Variants in PLCG2 observed in about 807,000 individuals in gnomAD.
The protein encoded by PLCG2 is 1-phosphatidylinositol 4,5-bisphosphate phosphodiesterase gamma-2.
In PLCG2, 69 loss-of-function variants were observed where a neutral mutation model predicts 175.6. The observed-to-expected ratio is 0.39, with a 90% CI of 0.32 to 0.48. PLCG2 has a LOEUF of 0.48. PLCG2 is among the 20% of genes least tolerant of loss of function. The pLI is 0.91. For synonymous variants in PLCG2, 827 were observed against 624.0 expected (o/e 1.33, Z -4.85); for missense variants, 1,798 against 1,650.9 (o/e 1.09, Z -1.54).
At chr16:81,883,777 A>C (rs1000612714) in intron 9 of PLCG2, among the ~76,000 whole-genome samples, 38 of 152,162 alleles carry the variant, frequency 2.5e-4, no homozygotes, top group African/African-American at 8.9e-4. Flanking sequence ...TGGGAGATAA[A>C]CTAGCACAGC....
intron 31 of PLCG2, among the ~76,000 whole-genome samples, chr16:81,949,497 A>G (rs1911282732): frequency 6.6e-6 from 1 of 152,214 alleles, no homozygotes; most frequent in Non-Finnish European, 1.5e-5. Context: ...GGAAGACGGA[A>G]TAATTCAGTG....
chr16:81,943,931 G>A (rs1911053428), intron 30 of PLCG2, among the ~76,000 whole-genome samples: 1 of 152,156 alleles, frequency 6.6e-6, no homozygotes, highest in Non-Finnish European at 1.5e-5. Context: ...AAGGATGGAT[G>A]CTCTCAAACA....
At chr16:81,839,447 C>T (rs1224140219) in intron 2 of PLCG2, among the ~76,000 whole-genome samples, 1 of 152,000 alleles carries the variant, frequency 6.6e-6, no homozygotes, top group Non-Finnish European at 1.5e-5. Flanking sequence ...CAGAATTAGC[C>T]TATTAAAATA....
At chr16:81,845,179 G>C (rs1266858948) in intron 2 of PLCG2, among the ~76,000 whole-genome samples, 1 of 152,096 alleles carries the variant, frequency 6.6e-6, no homozygotes, top group East Asian at 1.9e-4. Flanking sequence ...GGTTTCAAAT[G>C]ATCCTCCTAC....
intron 2 of PLCG2, among the ~76,000 whole-genome samples, chr16:81,788,129 T>C (rs1199973861): frequency 6.6e-6 from 1 of 152,226 alleles, no homozygotes; most frequent in South Asian, 2.1e-4. Context: ...TTCATCATTT[T>C]AGGAACTGTC....
At chr16:81,867,436 A>G (rs2143520659) in intron 5 of PLCG2, among the ~76,000 whole-genome samples, 1 of 152,302 alleles carries the variant, frequency 6.6e-6, no homozygotes, top group Middle Eastern at 3.4e-3. Context: ...TTATGGGCAC[A>G]CTGGGTTGGA....
rs1555509092 is a variant in PLCG2, at chr16:81,816,651, A to ACTTTTTTTTT, written c.193+30469_193+30470insCTTTTTTTTT. 9.2e-4 allele frequency among the ~76,000 whole-genome samples: 100 copies of ACTTTTTTTTT among 108,876 alleles called. 39 individuals carry two copies. The highest frequency in any genetic ancestry group is 3.0e-3 in the African/African-American group (80 of 26,500). 71.4% of individuals were successfully genotyped at this position (108,876 alleles called of 152,430 possible). ...GCACCACCATGCCCAGCTAATTTTA[A>ACTTTTTTTTT]TTTTTTTTTTTTTTTTTTTTTTTTT... On this transcript the variant is annotated intron_variant, in intron 2 of 32. Transcript: ENST00000564138.
intron 2 of PLCG2, among the ~76,000 whole-genome samples, chr16:81,810,903 A>T (rs1444323484): frequency 6.6e-6 from 1 of 152,196 alleles, no homozygotes; most frequent in Non-Finnish European, 1.5e-5. Context: ...ACGAAAATGA[A>T]GGTAACTTTT....
intron 15 of PLCG2, among the ~76,000 whole-genome samples, chr16:81,907,117 T>C (rs1290675039): frequency 1.3e-5 from 2 of 150,338 alleles, no homozygotes; most frequent in Non-Finnish European, 3.0e-5. Context: ...AGTGTACACA[T>C]GTACCCTAGA....
intron 9 of PLCG2, among the ~76,000 whole-genome samples, chr16:81,884,125 C>A (rs369357700): frequency 6.6e-6 from 1 of 152,112 alleles, no homozygotes; most frequent in Non-Finnish European, 1.5e-5. Flanking sequence ...CCGAGGCGGG[C>A]GGATCACTTG....
intron 30 of PLCG2, among the ~76,000 whole-genome samples, chr16:81,945,405 C>G (rs1223593175): frequency 2.0e-5 from 3 of 152,232 alleles, no homozygotes; most frequent in Non-Finnish European, 4.4e-5. Context: ...AAAAGCAACT[C>G]AAACATATGC....
intron 25 of PLCG2, among the ~76,000 whole-genome samples, chr16:81,933,116 G>A (rs926810384): frequency 6.6e-6 from 1 of 152,230 alleles, no homozygotes; most frequent in Non-Finnish European, 1.5e-5. Context: ...CTGAAATGAA[G>A]CTGAGCTGTT....
chr16:81,783,970 G>A (rs1016798874), intron 1 of PLCG2, among the ~76,000 whole-genome samples: 1 of 152,122 alleles, frequency 6.6e-6, no homozygotes, highest in Non-Finnish European at 1.5e-5. Flanking sequence ...AGCCCTTTAA[G>A]TGCCTAGCCA....
chr16:81,800,527 C>A (rs1054270123), intron 2 of PLCG2, among the ~76,000 whole-genome samples: 3 of 152,108 alleles, frequency 2.0e-5, no homozygotes, highest in Admixed American at 6.6e-5. Flanking sequence ...CATCTATGTC[C>A]CTGCGAAGGA....
intron 1 of PLCG2, among the ~76,000 whole-genome samples, chr16:81,743,306 G>C (rs72831178): frequency 6.6e-6 from 1 of 152,218 alleles, no homozygotes; most frequent in African/African-American, 2.4e-5. Context: ...AGCCACAGTA[G>C]CACCACGGCC....
chr16:81,910,746 G>A (rs1250950148), intron 18 of PLCG2, 26 bp downstream of exon 18: 1 of 1,597,018 alleles, frequency 6.3e-7, no homozygotes, highest in South Asian at 1.1e-5. Flanking sequence ...TGGAGCAGGA[G>A]GCAGGCGGTG....
intron 2 of PLCG2, among the ~76,000 whole-genome samples, chr16:81,806,712 G>A (rs1385166938): frequency 2.0e-5 from 3 of 152,238 alleles, no homozygotes; most frequent in South Asian, 2.1e-4. Context: ...CAGGTGTGGG[G>A]CTGGGGACAT....
intron 19 of PLCG2, among the ~76,000 whole-genome samples, chr16:81,917,032 C>T (rs189263732): frequency 6.6e-6 from 1 of 152,290 alleles, no homozygotes; most frequent in East Asian, 1.9e-4. Flanking sequence ...CTTTGACCAA[C>T]ATATCCCCAA....
intron 11 of PLCG2, 120 bp downstream of exon 11, chr16:81,891,710 G>A (rs878990948): frequency 2.1e-5 from 13 of 626,688 alleles, no homozygotes; most frequent in African/African-American, 3.6e-5. Flanking sequence ...GTGTAGCACC[G>A]CATTCCTTGG....
Sources: gnomAD v4.1 joint callset for allele counts (sites outside exome capture counted in the v4.1 genomes callset) on GRCh38, gnomAD v4.1.1 for gene constraint, MANE v1.5 for transcripts, NCBI Gene and HGNC (gene_info 2026-07-23, HGNC 2026-07-21) for gene names.